The following ESRRG variants were observed in gnomAD, a reference collection of about 807,000 sequenced individuals.
The protein encoded by ESRRG is estrogen-related receptor gamma.
A neutral mutation model predicts 44.0 loss-of-function variants in ESRRG; 13 were observed. The ratio of observed to expected loss-of-function variants is 0.30; its 90% CI spans 0.19 to 0.47. The LOEUF is 0.47. Ranked by LOEUF, ESRRG falls within the 20% of genes least tolerant of loss-of-function variation. The pLI is 1.00. For missense variants in ESRRG, 395 were observed against 580.6 expected (o/e 0.68, Z 3.29); for synonymous variants, 215 against 214.6 (o/e 1.00, Z -0.02).
At chr1:217,109,931 T>C (rs1370746106) in intron 1 of ESRRG, among the ~76,000 whole-genome samples, 2 of 152,128 alleles carry the variant, frequency 1.3e-5, no homozygotes, top group Admixed American at 6.5e-5. Context: ...CCTTAAAGGG[T>C]CTTTAAGTTG....
intron 3 of ESRRG, among the ~76,000 whole-genome samples, chr1:216,605,157 T>A (rs965278060): frequency 6.6e-5 from 10 of 152,224 alleles, no homozygotes; most frequent in African/African-American, 2.2e-4. Flanking sequence ...TCTTCTTTTT[T>A]TTGCATTAAT....
chr1:217,055,436 C>T (rs1222148151), intron 1 of ESRRG, among the ~76,000 whole-genome samples: 2 of 152,154 alleles, frequency 1.3e-5, no homozygotes, highest in Non-Finnish European at 2.9e-5. Context: ...CACTTTCCTA[C>T]AGTCCAGTGG....
rs956355867 is a variant in ESRRG, at chr1:217,002,816, T to G, written c.-105-63143A>C. On this transcript the variant is annotated intron_variant, in intron 1 of 7. Transcript: ENST00000359162. ...TGGAACCTCCAGCCCCACGCAGGCTTTCATTTGACTGCAGCTCCAGCCAAC... is the reference window on the plus strand; with the variant it reads ...TGGAACCTCCAGCCCCACGCAGGCTGTCATTTGACTGCAGCTCCAGCCAAC... Among the ~76,000 whole-genome samples, 6 of 152,066 alleles carry G rather than the reference T, an allele frequency of 3.9e-5. 1 individual carries two copies. Among genetic ancestry groups the G allele is most frequent in the Non-Finnish European group, 7.4e-5 (5 of 68,016 alleles).
intron 5 of ESRRG, among the ~76,000 whole-genome samples, chr1:216,530,065 T>C (rs927691835): frequency 1.4e-5 from 2 of 138,186 alleles, no homozygotes; most frequent in East Asian, 4.2e-4. Context: ...TGAGCTAAGA[T>C]TGCACAACTG....
intron 2 of ESRRG, among the ~76,000 whole-genome samples, chr1:216,914,924 C>T (rs991627656): frequency 1.3e-5 from 2 of 152,210 alleles, no homozygotes; most frequent in African/African-American, 4.8e-5. Flanking sequence ...AAAATGTTCA[C>T]AGCACAGGAG....
At chr1:216,593,116 C>T (rs2057941422) in intron 3 of ESRRG, among the ~76,000 whole-genome samples, 1 of 152,124 alleles carries the variant, frequency 6.6e-6, no homozygotes, top group Non-Finnish European at 1.5e-5. Flanking sequence ...AGAACAGCCA[C>T]CGAAATAAGT....
intron 1 of ESRRG, among the ~76,000 whole-genome samples, chr1:217,086,489 T>C (rs987087352): frequency 1.3e-5 from 2 of 152,208 alleles, no homozygotes; most frequent in Non-Finnish European, 2.9e-5. Context: ...TCATTTCTGA[T>C]GTGTACAGAA....
At chr1:216,643,806 T>C (rs971236525) in intron 3 of ESRRG, among the ~76,000 whole-genome samples, 1 of 152,186 alleles carries the variant, frequency 6.6e-6, no homozygotes, top group African/African-American at 2.4e-5. Context: ...TTTATTTATA[T>C]ACCTTAAGCT....
intron 3 of ESRRG, among the ~76,000 whole-genome samples, chr1:216,614,717 G>T (rs949575876): frequency 6.6e-6 from 1 of 152,194 alleles, no homozygotes; most frequent in Non-Finnish European, 1.5e-5. Context: ...TCTAAAAATG[G>T]ACTCAAAAGT....
At chr1:216,835,777 G>A (rs2095555640) in intron 2 of ESRRG, among the ~76,000 whole-genome samples, 1 of 152,172 alleles carries the variant, frequency 6.6e-6, no homozygotes, top group Admixed American at 6.5e-5. Context: ...ACGGGAGTCA[G>A]GTCAAACAGC....
Position 216,798,694 on chromosome 1 carries a change from T to G in ESRRG, c.-13-121203A>C, listed in dbSNP as rs77180143. ...GAGGTGATTGTAGCTTGGCTCAGAG[T>G]AGGGATTGTGGTGATAGAGAAAATT... On this transcript the variant is annotated intron_variant, in intron 2 of 7. Coordinates refer to the ESRRG transcript ENST00000359162. Among the ~76,000 whole-genome samples the G allele has an allele frequency of 2.2e-3, 340 of 152,120 alleles. 3 individuals are homozygous for G. The highest frequency in any genetic ancestry group is 6.4e-3 in the African/African-American group (264 of 41,504).
chr1:216,659,635 C>G (rs990148160), intron 2 of ESRRG, among the ~76,000 whole-genome samples: 1 of 152,162 alleles, frequency 6.6e-6, no homozygotes, highest in African/African-American at 2.4e-5. Flanking sequence ...CCTGAAGTTC[C>G]TAGAAAGCAG....
chr1:216,888,618 C>T (rs1213860147), intron 2 of ESRRG, among the ~76,000 whole-genome samples: 1 of 152,104 alleles, frequency 6.6e-6, no homozygotes, highest in Non-Finnish European at 1.5e-5. Flanking sequence ...CTCACCAATA[C>T]CTATATCAAA....
At chr1:216,765,129 C>G (rs552419969) in intron 2 of ESRRG, among the ~76,000 whole-genome samples, 3 of 152,182 alleles carry the variant, frequency 2.0e-5, no homozygotes, top group South Asian at 4.1e-4. Context: ...AACCCAGGAG[C>G]CCCATTACCA....
chr1:216,531,852 A>G (rs558302965), intron 5 of ESRRG, among the ~76,000 whole-genome samples: 4 of 152,152 alleles, frequency 2.6e-5, no homozygotes, highest in African/African-American at 9.6e-5. Context: ...TCCCGCTTTG[A>G]TCTGCTGGAG....
In ESRRG at chr1:217,104,968, G is replaced by A. The variant is rs73103068; in HGVS notation, c.-230+32699C>T. ...TAGGAAAGAGCATTTGAATGATCATGGCTAATCATGTTCTGTGTGAATTCA... is the reference window on the plus strand; with the variant it reads ...TAGGAAAGAGCATTTGAATGATCATAGCTAATCATGTTCTGTGTGAATTCA... On this transcript the variant is annotated intron_variant, in intron 1 of 8. Coordinates refer to the ESRRG transcript ENST00000366940. 3.4e-3 allele frequency among the ~76,000 whole-genome samples: 518 copies of A among 152,098 alleles called. 3 individuals are homozygous for A. The highest frequency in any genetic ancestry group is 0.012 in the African/African-American group (502 of 41,562).
intron 1 of ESRRG, among the ~76,000 whole-genome samples, chr1:216,956,660 T>C (rs778228375): frequency 6.6e-6 from 1 of 152,170 alleles, no homozygotes; most frequent in Non-Finnish European, 1.5e-5. Context: ...CAAAAAAGAT[T>C]GTCTTGTGGT....
intron 5 of ESRRG, among the ~76,000 whole-genome samples, chr1:216,557,143 A>G (rs1558474341): frequency 6.6e-6 from 1 of 152,212 alleles, no homozygotes; most frequent in Non-Finnish European, 1.5e-5. Context: ...GACTTGTTTC[A>G]GTAAAACTTG....
intron 3 of ESRRG, among the ~76,000 whole-genome samples, chr1:216,632,515 A>G (rs2064409816): frequency 6.6e-6 from 1 of 152,226 alleles, no homozygotes; most frequent in African/African-American, 2.4e-5. Flanking sequence ...CAAAGCTGAC[A>G]TGACTAGAAT....
Sources: allele counts gnomAD v4.1 joint callset (sites outside exome capture counted in the v4.1 genomes callset), GRCh38; gene constraint gnomAD v4.1.1; transcripts MANE v1.5; gene names NCBI Gene and HGNC (gene_info 2026-07-23, HGNC 2026-07-21).